SLC25A17: variants seen among roughly 807,000 people sequenced by gnomAD.
The protein encoded by SLC25A17 is solute carrier family 25 member 17.
A neutral mutation model predicts 38.5 loss-of-function variants in SLC25A17; 26 were observed. That is an observed-to-expected ratio of 0.68 (90% CI 0.50 to 0.94). The LOEUF (loss-of-function observed/expected upper bound fraction) is 0.94. SLC25A17 is among the 40% of genes least tolerant of loss of function. The pLI, the probability that SLC25A17 is intolerant of heterozygous loss-of-function variation, is 0.00. For missense variants in SLC25A17, 333 were observed against 372.7 expected (o/e 0.89, Z 0.88); for synonymous variants, 139 against 136.2 (o/e 1.02, Z -0.14).
In SLC25A17 at chr22:40,770,398, A is replaced by T. The variant is rs1205195176; in HGVS notation, c.*436T>A. On this transcript the variant is annotated 3_prime_UTR_variant, in exon 9 of 9. Transcript: ENST00000435456. ...TAGTTTTAGGGAGGAAAACACCAAC[A>T]CTGAGACATACAAAAGTATTTGAGG... 1 of 152,408 alleles carries T rather than the reference A, an allele frequency of 6.6e-6. No homozygotes were observed. Among genetic ancestry groups the T allele is most frequent in the African/African-American group, 2.4e-5 (1 of 41,474 alleles). 9.4% of individuals were successfully genotyped at this position (152,408 alleles called of 1,614,324 possible). A position where few individuals can be genotyped will look rare whatever the true frequency, so the allele number is the denominator to read the frequency against.
At position 40,770,666 on chromosome 22, in the gene SLC25A17, A is replaced by C. The variant is rs2057172234; in HGVS notation, c.*168T>G. On this transcript the variant is annotated 3_prime_UTR_variant, in exon 9 of 9. Transcript: ENST00000435456. ...ACCAGCCAGCATGACAATTAAGGTG[A>C]CAACAGGTCCAGTTGGCCATACTCC... is the stretch of plus-strand genomic sequence containing the variant. 1 of 513,918 alleles carries C rather than the reference A, an allele frequency of 1.9e-6. No individual in the cohort carries two copies. Among genetic ancestry groups the C allele is most frequent in the African/African-American group, 1.9e-5 (1 of 51,316 alleles). 31.8% of individuals were successfully genotyped at this position (513,918 alleles called of 1,614,324 possible). A position where few individuals can be genotyped will look rare whatever the true frequency, so the allele number is the denominator to read the frequency against.
At chr22:40,777,464 C>T in intron 5 of SLC25A17, 91 bp from the exon 6 acceptor site, 1 of 1,377,674 alleles carries the variant, frequency 7.3e-7, no homozygotes, top group South Asian at 1.3e-5. Flanking sequence ...GTACCCAGAA[C>T]ACAAACCATA....
At chr22:40,818,371 C>CT (rs1272670752) in intron 1 of SLC25A17, among the ~76,000 whole-genome samples, 3 of 152,166 alleles carry the variant, frequency 2.0e-5, no homozygotes, top group African/African-American at 7.2e-5. Context: ...AAGCGTATAC[C>CT]TCATAACAAA....
chr22:40,790,896 T>C (rs867452037), intron 4 of SLC25A17, among the ~76,000 whole-genome samples: 4 of 152,228 alleles, frequency 2.6e-5, no homozygotes, highest in Non-Finnish European at 2.9e-5. Flanking sequence ...GATTGCCATT[T>C]GTTGTAATTT....
At chr22:40,805,537 C>A (rs561564736) in intron 1 of SLC25A17, among the ~76,000 whole-genome samples, 2 of 152,258 alleles carry the variant, frequency 1.3e-5, no homozygotes, top group Non-Finnish European at 2.9e-5. Context: ...CATGTCCAAC[C>A]TTTTAGGGAT....
At chr22:40,786,912 G>A (rs1388980457) in intron 4 of SLC25A17, among the ~76,000 whole-genome samples, 4 of 152,182 alleles carry the variant, frequency 2.6e-5, no homozygotes, top group Admixed American at 6.5e-5. Context: ...TTCACTCAAC[G>A]TTTAATAAGT....
intron 7 of SLC25A17, 58 bp downstream of exon 7, chr22:40,776,982 G>T: frequency 7.4e-7 from 1 of 1,351,630 alleles, no homozygotes; most frequent in South Asian, 1.2e-5. Context: ...TTTAAATCAA[G>T]AGACTACATG....
chr22:40,814,988 AT>A (rs1311115483), intron 1 of SLC25A17, among the ~76,000 whole-genome samples: 1 of 150,862 alleles, frequency 6.6e-6, no homozygotes, highest in Non-Finnish European at 1.5e-5. Flanking sequence ...CCCGGCTAAT[AT>A]TTTGTATTTT....
intron 1 of SLC25A17, among the ~76,000 whole-genome samples, chr22:40,807,706 G>A (rs1311094079): frequency 1.7e-4 from 26 of 152,046 alleles, no homozygotes; most frequent in Admixed American, 1.1e-3. Context: ...CCGAGATCGC[G>A]CCACTGCACT....
chr22:40,815,778 C>G (rs957923866), intron 1 of SLC25A17, among the ~76,000 whole-genome samples: 2 of 151,896 alleles, frequency 1.3e-5, no homozygotes, highest in Non-Finnish European at 2.9e-5. Context: ...ACTACAGAAC[C>G]TTTTTTTTCA....
Position 40,819,294 on chromosome 22 carries a change from C to A in SLC25A17, c.-46G>T, listed in dbSNP as rs149089461. The A allele has an allele frequency of 7.5e-6, 12 of 1,608,258 alleles. No homozygotes were observed. In the East Asian group the frequency reaches 2.7e-4, roughly 36 times the overall value. On this transcript the variant is annotated 5_prime_UTR_variant, in exon 1 of 9. Coordinates refer to ENST00000435456, the MANE Select transcript of SLC25A17 (RefSeq NM_006358.4). Reference sequence around the variant, plus strand: ...CCAGCCACACTTTTCCCACAGATGCCGCAGCCAGTGGAGTTAGGAAAGGAG... The same window carrying A: ...CCAGCCACACTTTTCCCACAGATGCAGCAGCCAGTGGAGTTAGGAAAGGAG...
chr22:40,807,190 T>TTAAA (rs1167250851), intron 1 of SLC25A17, among the ~76,000 whole-genome samples: 1 of 152,206 alleles, frequency 6.6e-6, no homozygotes, highest in Non-Finnish European at 1.5e-5. Flanking sequence ...TGTGAATGTA[T>TTAAA]TAAATACCAC....
intron 1 of SLC25A17, among the ~76,000 whole-genome samples, chr22:40,799,868 C>T (rs2057466238): frequency 6.6e-6 from 1 of 152,156 alleles, no homozygotes; most frequent in South Asian, 2.1e-4. Flanking sequence ...CATTTCCCTG[C>T]ATATGACAAA....
At chr22:40,811,380 T>C (rs538884575) in intron 1 of SLC25A17, among the ~76,000 whole-genome samples, 1 of 151,762 alleles carries the variant, frequency 6.6e-6, no homozygotes, top group Non-Finnish European at 1.5e-5. Context: ...AGTGAGTCAA[T>C]GAGCCTGGCC....
At chr22:40,792,486 T>C (rs1286441217) in intron 4 of SLC25A17, 39 bp downstream of exon 4, 2 of 1,534,054 alleles carry the variant, frequency 1.3e-6, no homozygotes, top group Admixed American at 2.0e-5. Flanking sequence ...AACCACAAGG[T>C]AAATATAAAA....
intron 2 of SLC25A17, among the ~76,000 whole-genome samples, chr22:40,796,923 T>C (rs371577971): frequency 6.6e-6 from 1 of 152,130 alleles, no homozygotes; most frequent in African/African-American, 2.4e-5. Flanking sequence ...ATCTAAAACA[T>C]ACTGTTAAGT....
At chr22:40,788,793 A>C in intron 4 of SLC25A17, 1 of 243,156 alleles carries the variant, frequency 4.1e-6, no homozygotes, top group Non-Finnish European at 8.8e-6. Flanking sequence ...GCCATTCATT[A>C]TTTTGCTTTT....
rs532970339 is a variant in SLC25A17, at chr22:40,779,397, T to C, written c.335-272A>G. ...CTCATTTGTACAACAGGCAATCTAT[T>C]TGTCAATTTATATACCATTCAAAGT... On this transcript the variant is annotated intron_variant, in intron 4 of 8. Transcript: ENST00000435456. The C allele has an allele frequency of 7.5e-4, 585 of 781,116 alleles. 13 individuals are homozygous for C. The South Asian group carries it at 0.011, about 14-fold the overall frequency. The allele number at this position is 781,116 out of a possible 1,614,324, so 48.4% of individuals were successfully genotyped here.
chr22:40,793,650 T>C lies in SLC25A17; in HGVS notation c.182+864A>G, dbSNP rs535421940. The stretch of plus-strand genomic sequence containing the variant: ...TTTTTGAAACGGAGTTTTGCTCTTG[T>C]TGCCCAGGCTGGAGTGCAATGGCGC... On this transcript the variant is annotated intron_variant, in intron 3 of 8. Transcript: ENST00000435456. Among the ~76,000 whole-genome samples, 7 of 152,226 alleles carry C rather than the reference T, an allele frequency of 4.6e-5. No homozygotes were observed. In the South Asian group the frequency reaches 1.5e-3, roughly 32 times the overall value.
Sources: gnomAD v4.1 joint callset for allele counts (sites outside exome capture counted in the v4.1 genomes callset) on GRCh38, gnomAD v4.1.1 for gene constraint, MANE v1.5 for transcripts, NCBI Gene and HGNC (gene_info 2026-07-23, HGNC 2026-07-21) for gene names.